Variants in NPHP3 observed in about 807,000 individuals in gnomAD.
The protein encoded by NPHP3 is nephrocystin 3, also known as nephrocystin-3.
A neutral mutation model predicts 171.9 loss-of-function variants in NPHP3; 123 were observed. The observed-to-expected ratio is 0.72, with a 90% CI of 0.62 to 0.83. NPHP3 has a LOEUF of 0.83. Ranked by LOEUF, NPHP3 falls within the 40% of genes least tolerant of loss-of-function variation. The pLI, the probability that NPHP3 is intolerant of heterozygous loss-of-function variation, is 0.00. For missense variants in NPHP3, 1,506 were observed against 1,591.9 expected, an observed-to-expected ratio of 0.95 and a Z score of 0.92; for synonymous variants, 558 against 579.2, an observed-to-expected ratio of 0.96 and a Z score of 0.52.
chr3:132,682,124 G>A, intron 26 of NPHP3, 34 bp from the exon 27 acceptor site: 1 of 1,569,016 alleles, frequency 6.4e-7, no homozygotes. Context: ...CTTAAAATGA[G>A]AATATAACCT....
At chr3:132,699,311 A>C (rs1011794254) in intron 13 of NPHP3, 42 bp downstream of exon 13, 1 of 1,361,250 alleles carries the variant, frequency 7.3e-7, no homozygotes, top group African/African-American at 1.4e-5. Context: ...TTGTACTTAA[A>C]ACATTTCATG....
Position 132,700,003 on chromosome 3 carries a change from T to C in NPHP3, c.1802A>G (p.Glu601Gly). 6.2e-7 allele frequency: 1 copy of C among 1,614,148 alleles called. No individual in the cohort carries two copies. The highest frequency in any genetic ancestry group is 8.5e-7 in the Non-Finnish European group (1 of 1,180,008). The change falls in exon 12 of 27, where the codon GAA becomes GGA. Residue 601 changes from glutamate to glycine, a missense_variant. Glu to Gly is a moderately conservative substitution (Grantham distance 98, BLOSUM62 -2). Coordinates refer to ENST00000337331, the MANE Select transcript of NPHP3 (RefSeq NM_153240.5). Reference sequence around the variant, plus strand: ...TTTTTCCAGCCAACGTGGAAATTCTTCCAGAAGCTTAGCAGGATCCAGTGT... The same window carrying C: ...TTTTTCCAGCCAACGTGGAAATTCTCCCAGAAGCTTAGCAGGATCCAGTGT... ...ALTLDPAKLL[E>G]EFPRWLEKLS... is the part of the protein sequence containing the mutation.
rs1939270485 is a variant in NPHP3, at chr3:132,690,453, A to G, written c.2693+75T>C. On this transcript the variant is annotated intron_variant, in intron 19 of 26. Transcript: ENST00000337331. ...TTAGACTAATTTTTAAATTAAAAATACCATTTTTTCTTTGTTAAACTGAAC... is the reference window on the plus strand; with the variant it reads ...TTAGACTAATTTTTAAATTAAAAATGCCATTTTTTCTTTGTTAAACTGAAC... The G allele has an allele frequency of 2.8e-6, 4 of 1,412,436 alleles. No homozygotes were observed. The East Asian group carries it at 9.2e-5, about 32-fold the overall frequency. 87.5% of individuals were successfully genotyped at this position (1,412,436 alleles called of 1,614,324 possible).
Position 132,708,165 on chromosome 3 carries a change from C to G in NPHP3, c.1211G>C (p.Ser404Thr), listed in dbSNP as rs765850571. The change falls in exon 7 of 27, where the codon AGT becomes ACT. Residue 404 changes from serine (S) to threonine (T), a missense_variant. Physicochemically the swap from Ser to Thr is moderately conservative, Grantham distance 58. This residue lies in a region of NPHP3 where 930 missense variants were observed against 924.9 expected (regional missense o/e 1.01). Coordinates refer to ENST00000337331, the MANE Select transcript of NPHP3 (RefSeq NM_153240.5). ...AATCAATTGCTGGACAGAGTCAGAA[C>G]TGACTTTTCCATCTTCCAAACGATG... ...IFHRLEDGKV[S>T]SDSVQQLIDQ... The G allele has an allele frequency of 1.9e-6, 3 of 1,614,146 alleles. No individual in the cohort carries two copies. The South Asian group carries it at 3.3e-5, about 18-fold the overall frequency.
rs1259575776 is a variant in NPHP3 at position 132,686,198 on chromosome 3, AAC to A, written c.3329+60_3329+61del. On this transcript the variant is annotated intron_variant, in intron 23 of 26. Transcript: ENST00000337331. ...AGCTTTAGACTTGACAAAAATGTAAAACAGCATTGCATCAAAGAGAAAATGGT... is the reference window on the plus strand; with the variant it reads ...AGCTTTAGACTTGACAAAAATGTAAAAGCATTGCATCAAAGAGAAAATGGT... 11 of 1,553,380 alleles carry A rather than the reference AAC, an allele frequency of 7.1e-6. No homozygotes were observed. In the Admixed American group the frequency reaches 1.5e-4, roughly 21 times the overall value.
At chr3:132,690,191 C>A (rs890665090) in intron 19 of NPHP3, among the ~76,000 whole-genome samples, 9 of 152,322 alleles carry the variant, frequency 5.9e-5, no homozygotes, top group Admixed American at 5.9e-4. Flanking sequence ...GGTTTGAAGG[C>A]TACGCTTTCA....
At position 132,686,477 on chromosome 3, in the gene NPHP3, C is replaced by T. The variant is rs906726982; in HGVS notation, c.3202-90G>A. The T allele has an allele frequency of 2.0e-6, 3 of 1,484,920 alleles. No individual in the cohort carries two copies. The South Asian group carries it at 3.5e-5, about 17-fold the overall frequency. The allele number at this position is 1,484,920 out of a possible 1,614,324, so 92.0% of individuals were successfully genotyped here. A position where few individuals can be genotyped will look rare whatever the true frequency, so the allele number is the denominator to read the frequency against. On this transcript the variant is annotated intron_variant, in intron 22 of 26. Coordinates refer to ENST00000337331, the MANE Select transcript of NPHP3 (RefSeq NM_153240.5). Reference sequence around the variant, plus strand: ...TATATGAGGGTCCTAAAAAATCTTCCTTTTTTCCCATTTAATCTAGATAAC... The same window carrying T: ...TATATGAGGGTCCTAAAAAATCTTCTTTTTTTCCCATTTAATCTAGATAAC...
intron 6 of NPHP3, among the ~76,000 whole-genome samples, chr3:132,709,824 C>T (rs942912922): frequency 6.6e-6 from 1 of 152,182 alleles, no homozygotes; most frequent in African/African-American, 2.4e-5. Flanking sequence ...ACCCAAACCA[C>T]AGAAGTTTTC....
chr3:132,684,958 T>C, intron 23 of NPHP3, 164 bp from the exon 24 acceptor site: 1 of 760,942 alleles, frequency 1.3e-6, no homozygotes, highest in Non-Finnish European at 2.1e-6. Flanking sequence ...CACCCCTATC[T>C]CTTCCTGCCC....
At chr3:132,715,337 C>T (rs1324151259) in intron 4 of NPHP3, 119 bp from the exon 5 acceptor site, 3 of 786,458 alleles carry the variant, frequency 3.8e-6, no homozygotes, top group African/African-American at 1.7e-5. Flanking sequence ...CATGTTAATA[C>T]TGCCATACCT....
intron 26 of NPHP3, 140 bp downstream of exon 26, chr3:132,682,563 A>T (rs749532154): frequency 2.7e-5 from 18 of 658,174 alleles, no homozygotes; most frequent in Non-Finnish European, 4.7e-5. Flanking sequence ...CTACTTCAGT[A>T]CTTCTTGAAG....
chr3:132,721,939 C>G (rs766292339), intron 1 of NPHP3, 24 bp downstream of exon 1: 40 of 1,610,052 alleles, frequency 2.5e-5, no homozygotes, highest in Admixed American at 2.0e-4. Context: ...GGTCTCCCGG[C>G]GTCGCGGCCC....
At position 132,701,438 on chromosome 3, in the gene NPHP3, T is replaced by C. The variant is rs772704156; in HGVS notation, c.1620A>G (p.Leu540=). ...GGPGSGKSLL[L]SKWIQLQQKN... is the part of the protein sequence containing the mutation. ...ATTGCACTGCATCATACCACTTTGA[T>C]AAAAGAAGAGACTTCCCAGAACCTG... Residue 540 remains leucine (L), a synonymous_variant, in exon 10 of 27, where the codon TTA becomes TTG. Coordinates refer to ENST00000337331, the MANE Select transcript of NPHP3 (RefSeq NM_153240.5). 3 of 1,604,712 alleles carry C rather than the reference T, an allele frequency of 1.9e-6. No individual in the cohort carries two copies.
rs1939404216 is a variant in NPHP3 at position 132,694,824 on chromosome 3, T to C, written c.2310+3A>G. 2 of 1,612,806 alleles carry C rather than the reference T, an allele frequency of 1.2e-6. No individual in the cohort carries two copies. Among genetic ancestry groups the C allele is most frequent in the African/African-American group, 1.3e-5 (1 of 74,930 alleles). ...TCCTTTTTATAAGTTTATTACATTC[T>C]ACCTGCTTCATTAGCTCTTTATCCA... On this transcript the variant is annotated splice_donor_region_variant and intron_variant, in intron 16 of 26. Coordinates refer to ENST00000337331, the MANE Select transcript of NPHP3 (RefSeq NM_153240.5).
rs954127276 is a variant in NPHP3, at chr3:132,718,961, A to C, written c.670+33T>G. The C allele has an allele frequency of 7.4e-6, 12 of 1,612,536 alleles. No individual in the cohort carries two copies. In the African/African-American group the frequency reaches 1.2e-4, roughly 16 times the overall value. On this transcript the variant is annotated intron_variant, in intron 3 of 26. Coordinates refer to ENST00000337331, the MANE Select transcript of NPHP3 (RefSeq NM_153240.5). ...TCTACATGTCATTACAGCCATGTTG[A>C]AAGCTCAAAATATAAATAGGATATA...
Position 132,694,856 on chromosome 3 carries a change from T to C in NPHP3, c.2281A>G (p.Asn761Asp). Reference protein sequence around the residue: ...VLHSIRESMANDVDKELMKQI... With the variant: ...VLHSIRESMADDVDKELMKQI... Reference sequence around the variant, plus strand: ...TTCATTAGCTCTTTATCCACATCATTTGCCATGGACTCCCGGATAGAGTGC... The same window carrying C: ...TTCATTAGCTCTTTATCCACATCATCTGCCATGGACTCCCGGATAGAGTGC... Residue 761 changes from asparagine (N) to aspartate (D), a missense_variant, in exon 16 of 27, where the codon AAT (asparagine) becomes GAT (aspartate). This residue lies in a region of NPHP3 where 930 missense variants were observed against 924.9 expected (regional missense o/e 1.01). Transcript: ENST00000337331. The C allele has an allele frequency of 6.2e-7, 1 of 1,613,714 alleles. No homozygotes were observed. The highest frequency in any genetic ancestry group is 8.5e-7 in the Non-Finnish European group (1 of 1,179,934).
In NPHP3 at chr3:132,688,834, G is replaced by A. The variant is rs371001865; in HGVS notation, c.2941C>T (p.His981Tyr). The A allele has an allele frequency of 3.1e-6, 5 of 1,613,978 alleles. No homozygotes were observed. Among genetic ancestry groups the A allele is most frequent in the Non-Finnish European group, 4.2e-6 (5 of 1,180,002 alleles). Residue 981 changes from histidine to tyrosine, a missense_variant, in exon 21 of 27, where the codon CAC becomes TAC. His to Tyr is a moderately conservative substitution (Grantham distance 83). Transcript: ENST00000337331. ...TGGAGGGACTGGGCTACTCTTGGGT[G>A]ATCGGGATCTAAAGCTGTTTCTCGA... ...EIRETALDPD[H>Y]PRVAQSLHQL...
chr3:132,705,793 G>T lies in NPHP3; in HGVS notation c.1297C>A (p.Pro433Thr). 6.6e-7 allele frequency: 1 copy of T among 1,512,994 alleles called. No homozygotes were observed. Among genetic ancestry groups the T allele is most frequent in the Non-Finnish European group, 9.2e-7 (1 of 1,089,644 alleles). 93.7% of individuals were successfully genotyped at this position (1,512,994 alleles called of 1,614,324 possible). ...KAKIIDHSGD[P>T]AEGVYKTYIC... ...TAAGTTTTATATACTCCTTCTGCAG[G>T]ATCTCCTGAGTGATCAATGATCTAG... Residue 433 changes from proline to threonine, a missense_variant, in exon 8 of 27, where the codon CCT (proline) becomes ACT (threonine). Pro to Thr is a conservative substitution (Grantham distance 38). This residue lies in a region of NPHP3 where 930 missense variants were observed against 924.9 expected (regional missense o/e 1.01). Coordinates refer to ENST00000337331, the MANE Select transcript of NPHP3 (RefSeq NM_153240.5).
In NPHP3 at chr3:132,719,427, C is replaced by T. The variant is rs556869926; in HGVS notation, c.519+278G>A. Among the ~76,000 whole-genome samples, 13 of 152,226 alleles carry T rather than the reference C, an allele frequency of 8.5e-5. No homozygotes were observed. The East Asian group carries it at 2.5e-3, about 29-fold the overall frequency. ...CACTAAATACCAATAATACAACATC[C>T]CTAAACATTTCCAAATGCTTTTCCC... On this transcript the variant is annotated intron_variant, in intron 2 of 26. Transcript: ENST00000337331.
Sources: gnomAD v4.1 joint callset for allele counts (sites outside exome capture counted in the v4.1 genomes callset) on GRCh38, gnomAD v4.1.1 for gene constraint, gnomAD v4.1.1 regional missense constraint, MANE v1.5 for transcripts, NCBI Gene and HGNC (gene_info 2026-07-23, HGNC 2026-07-21) for gene names.